The following ROR1 variants were observed in gnomAD, a reference collection of about 807,000 sequenced individuals.
ROR1 encodes ROR family WNT receptor 1, also known as inactive tyrosine-protein kinase transmembrane receptor ROR1.
ROR1 carries 19 observed loss-of-function variants against 78.8 expected under a neutral mutation model. The observed-to-expected ratio is 0.24, with a 90% CI of 0.17 to 0.35. ROR1 has a LOEUF of 0.35. ROR1 is among the 10% of genes least tolerant of loss of function. ROR1 has a pLI of 1.00. For missense variants in ROR1, 917 were observed against 1,177.8 expected (o/e 0.78, Z 3.24); for synonymous variants, 386 against 433.6 (o/e 0.89, Z 1.36).
chr1:64,144,133 A>T (rs190915529), intron 7 of ROR1, among the ~76,000 whole-genome samples: 361 of 152,300 alleles, frequency 2.4e-3, no homozygotes, highest in Non-Finnish European at 3.9e-3. Context: ...CAGATGTGGG[A>T]TATAAATGAT....
intron 4 of ROR1, among the ~76,000 whole-genome samples, chr1:64,059,154 C>T (rs1200483977): frequency 6.6e-6 from 1 of 151,818 alleles, no homozygotes; most frequent in Non-Finnish European, 1.5e-5. Flanking sequence ...AATGATAGTC[C>T]CTTTTTTATT....
chr1:63,843,141 A>C, intron 1 of ROR1: 1 of 810,778 alleles, frequency 1.2e-6, no homozygotes, highest in Non-Finnish European at 2.1e-6. Flanking sequence ...GCAACCCCCG[A>C]GGGCAGATGT....
intron 4 of ROR1, among the ~76,000 whole-genome samples, chr1:64,068,599 T>C (rs1646976715): frequency 6.6e-6 from 1 of 152,214 alleles, no homozygotes; most frequent in Non-Finnish European, 1.5e-5. Context: ...AAAGTCTGTC[T>C]CAGAAAACTG....
intron 4 of ROR1, among the ~76,000 whole-genome samples, chr1:64,064,787 T>C (rs1379794862): frequency 1.3e-5 from 2 of 152,122 alleles, no homozygotes; most frequent in African/African-American, 4.8e-5. Context: ...GGACAAACTT[T>C]GAAGGGAGTA....
At chr1:63,778,253 G>A (rs1644629347) in intron 1 of ROR1, among the ~76,000 whole-genome samples, 1 of 152,184 alleles carries the variant, frequency 6.6e-6, no homozygotes, top group Non-Finnish European at 1.5e-5. Flanking sequence ...TTAAGGATAT[G>A]TGAACTTCCA....
At chr1:63,919,427 T>A (rs1645635811) in intron 1 of ROR1, among the ~76,000 whole-genome samples, 1 of 151,526 alleles carries the variant, frequency 6.6e-6, no homozygotes, top group African/African-American at 2.4e-5. Flanking sequence ...ATGTGTTTTA[T>A]AGCCTGGGCT....
At chr1:64,103,503 TATATA>T (rs1477935790) in intron 4 of ROR1, among the ~76,000 whole-genome samples, 3 of 152,284 alleles carry the variant, frequency 2.0e-5, no homozygotes, top group African/African-American at 7.2e-5. Flanking sequence ...TCTTAAAAAA[TATATA>T]ATTGCCATTT....
chr1:63,842,459 C>T (rs1247703790), intron 1 of ROR1, among the ~76,000 whole-genome samples: 3 of 152,144 alleles, frequency 2.0e-5, no homozygotes, highest in Admixed American at 6.5e-5. Context: ...AAACTCTGAA[C>T]TTAGGGAACC....
chr1:64,054,705 A>G (rs1029614627), intron 4 of ROR1, among the ~76,000 whole-genome samples: 4 of 152,214 alleles, frequency 2.6e-5, no homozygotes, highest in Admixed American at 6.5e-5. Flanking sequence ...GTACAAATTT[A>G]AGAATAATAT....
intron 4 of ROR1, among the ~76,000 whole-genome samples, chr1:64,073,426 G>A (rs761143832): frequency 6.6e-6 from 1 of 152,126 alleles, no homozygotes; most frequent in Admixed American, 6.5e-5. Context: ...GTGGAAATTC[G>A]CAGCCAGTAT....
intron 4 of ROR1, among the ~76,000 whole-genome samples, chr1:64,134,071 G>A (rs1649019449): frequency 6.6e-6 from 1 of 152,192 alleles, no homozygotes; most frequent in African/African-American, 2.4e-5. Flanking sequence ...TTGGAAAGAA[G>A]TTATAGAGTG....
intron 4 of ROR1, among the ~76,000 whole-genome samples, chr1:64,115,872 T>A (rs2100680832): frequency 6.6e-6 from 1 of 152,240 alleles, no homozygotes; most frequent in Middle Eastern, 3.4e-3. Flanking sequence ...TCTGCATGAT[T>A]CTTGTATGGA....
chr1:64,079,093 A>T (rs1326408694), intron 4 of ROR1, among the ~76,000 whole-genome samples: 2 of 152,220 alleles, frequency 1.3e-5, no homozygotes, highest in Non-Finnish European at 2.9e-5. Flanking sequence ...CAGACATCTG[A>T]ATGAGGGCAT....
chr1:64,042,794 C>T (rs1646433220), intron 2 of ROR1, among the ~76,000 whole-genome samples: 1 of 152,164 alleles, frequency 6.6e-6, no homozygotes, highest in Non-Finnish European at 1.5e-5. Flanking sequence ...AAAAATATTT[C>T]CCGAGATAGT....
At chr1:63,779,767 T>C (rs1159277327) in intron 1 of ROR1, among the ~76,000 whole-genome samples, 2 of 152,174 alleles carry the variant, frequency 1.3e-5, no homozygotes, top group African/African-American at 4.8e-5. Context: ...ATTAATGTTA[T>C]GTGATTGGGA....
chr1:64,110,624 C>A (rs1203460424), intron 4 of ROR1: 1 of 152,020 alleles, frequency 6.6e-6, no homozygotes, highest in East Asian at 1.9e-4. Flanking sequence ...TCACAAGGGT[C>A]TCTTAAATCA....
chr1:63,919,919 A>G (rs1645640885), intron 1 of ROR1, among the ~76,000 whole-genome samples: 1 of 152,216 alleles, frequency 6.6e-6, no homozygotes, highest in African/African-American at 2.4e-5. Flanking sequence ...CTATCCGGGA[A>G]AACTACCAAA....
chr1:64,127,528 C>T (rs1648755311), intron 4 of ROR1, among the ~76,000 whole-genome samples: 1 of 151,704 alleles, frequency 6.6e-6, no homozygotes, highest in Admixed American at 6.6e-5. Flanking sequence ...CTCTGTCTCT[C>T]TCTCCTCTTT....
chr1:63,806,743 C>T (rs962446663), intron 1 of ROR1, among the ~76,000 whole-genome samples: 1 of 152,102 alleles, frequency 6.6e-6, no homozygotes, highest in Admixed American at 6.5e-5. Flanking sequence ...ACCTTTGTAT[C>T]TTTGTATTGT....
Sources: allele counts gnomAD v4.1 joint callset (sites outside exome capture counted in the v4.1 genomes callset), GRCh38; gene constraint gnomAD v4.1.1; transcripts MANE v1.5; gene names NCBI Gene and HGNC (gene_info 2026-07-23, HGNC 2026-07-21).